UVRAG: variants seen among roughly 807,000 people sequenced by gnomAD.
UVRAG encodes UV radiation resistance associated, also known as UV radiation resistance-associated gene protein.
A neutral mutation model predicts 78.0 loss-of-function variants in UVRAG; 19 were observed. The observed-to-expected ratio is 0.24, with a 90% CI of 0.17 to 0.36. UVRAG has a LOEUF of 0.36. Ranked by LOEUF, UVRAG falls within the 10% of genes least tolerant of loss-of-function variation. The pLI is 1.00. For missense variants in UVRAG, 740 were observed against 853.8 expected, an observed-to-expected ratio of 0.87 and a Z score of 1.66; for synonymous variants, 323 against 324.6, an observed-to-expected ratio of 1.00 and a Z score of 0.05.
At chr11:76,065,521 G>T (rs1591194947) in intron 12 of UVRAG, among the ~76,000 whole-genome samples, 189 bp from the exon 13 acceptor site, 1 of 152,172 alleles carries the variant, frequency 6.6e-6, no homozygotes, top group Admixed American at 6.5e-5. Context: ...TCTTTTGAAA[G>T]AAAGCAGCCG....
chr11:76,079,266 T>G (rs999621719), intron 13 of UVRAG, among the ~76,000 whole-genome samples: 2 of 152,146 alleles, frequency 1.3e-5, no homozygotes, highest in Non-Finnish European at 2.9e-5. Context: ...GGAGGATCAC[T>G]TGAGCTCAGG....
intron 3 of UVRAG, among the ~76,000 whole-genome samples, chr11:75,871,035 A>AT (rs1946636493): frequency 6.6e-6 from 1 of 151,648 alleles, no homozygotes; most frequent in Non-Finnish European, 1.5e-5. Context: ...ATGCCTGGCT[A>AT]TTTTTTTATA....
At chr11:75,821,050 A>C (rs548800365) in intron 1 of UVRAG, among the ~76,000 whole-genome samples, 2 of 152,360 alleles carry the variant, frequency 1.3e-5, no homozygotes, top group South Asian at 4.1e-4. Flanking sequence ...CAGAATGTTT[A>C]CATCATCCCA....
At chr11:76,028,778 G>A (rs1950379170) in intron 12 of UVRAG, among the ~76,000 whole-genome samples, 1 of 152,166 alleles carries the variant, frequency 6.6e-6, no homozygotes. Flanking sequence ...TTTAAGGAAA[G>A]AAGCCATCCC....
chr11:75,872,075 T>C (rs1946664485), intron 3 of UVRAG, among the ~76,000 whole-genome samples: 1 of 152,352 alleles, frequency 6.6e-6, no homozygotes, highest in South Asian at 2.1e-4. Flanking sequence ...GTTAACAAGC[T>C]CTTTTTCATC....
In UVRAG at chr11:75,892,444, C is replaced by T. The variant is rs551898750; in HGVS notation, c.507+3541C>T. ...AATAGCTAGTATTTAGTGAGCACTT[C>T]TATGCTGGCACTATTCTAAACACTT... On this transcript the variant is annotated intron_variant, in intron 5 of 14. Coordinates refer to ENST00000356136, the MANE Select transcript of UVRAG (RefSeq NM_003369.4). 5 of 951,010 alleles carry T rather than the reference C, an allele frequency of 5.3e-6. No homozygotes were observed. The African/African-American group carries it at 7.1e-5, about 13-fold the overall frequency. The allele number at this position is 951,010 out of a possible 1,614,324, so 58.9% of individuals were successfully genotyped here.
chr11:75,935,473 TTCTCTC>T (rs138539219), intron 6 of UVRAG, among the ~76,000 whole-genome samples: 3 of 149,574 alleles, frequency 2.0e-5, no homozygotes, highest in Admixed American at 2.0e-4. Flanking sequence ...CTGTCTCTCT[TTCTCTC>T]TCTCTCTCTC....
rs950824651 is a variant in UVRAG at position 76,144,193 on chromosome 11, T to A, written c.*2780T>A. Among the ~76,000 whole-genome samples the A allele has an allele frequency of 2.0e-5, 3 of 152,242 alleles. No individual in the cohort carries two copies. Among genetic ancestry groups the A allele is most frequent in the Non-Finnish European group, 2.9e-5 (2 of 68,046 alleles). ...GATCTGTTGGTAACTGGAAGAAAAC[T>A]CAGCATCTGTATTTATACAATAAAA... On this transcript the variant is annotated 3_prime_UTR_variant, in exon 15 of 15. Coordinates refer to ENST00000356136, the MANE Select transcript of UVRAG (RefSeq NM_003369.4).
At chr11:75,815,606 C>T (rs969309852) in intron 1 of UVRAG, 82 bp downstream of exon 1, 2 of 876,586 alleles carry the variant, frequency 2.3e-6, no homozygotes, top group East Asian at 6.7e-5. Context: ...GCTGACCCCG[C>T]GAGCCGGGAC....
At chr11:75,916,515 A>G (rs1169382895) in intron 6 of UVRAG, 3 of 152,192 alleles carry the variant, frequency 2.0e-5, no homozygotes, top group Non-Finnish European at 1.5e-5. Flanking sequence ...ACTTTTCAGC[A>G]TATTTTCCCT....
intron 12 of UVRAG, among the ~76,000 whole-genome samples, chr11:76,020,401 A>C (rs564466803): frequency 6.6e-6 from 1 of 152,160 alleles, no homozygotes; most frequent in Admixed American, 6.5e-5. Context: ...CTGTCTAGCT[A>C]TTACTCCTGG....
chr11:75,996,537 C>T (rs531219821), intron 8 of UVRAG, among the ~76,000 whole-genome samples: 9 of 152,202 alleles, frequency 5.9e-5, no homozygotes, highest in Non-Finnish European at 1.3e-4. Context: ...CACACTGAGC[C>T]TAGAAGAATA....
intron 6 of UVRAG, among the ~76,000 whole-genome samples, chr11:75,936,153 A>T (rs1948369722): frequency 1.3e-5 from 2 of 152,234 alleles, no homozygotes; most frequent in African/African-American, 4.8e-5. Context: ...ATCCTGTCAG[A>T]GGGGACACAT....
At chr11:76,117,184 T>C (rs1952197954) in intron 14 of UVRAG, among the ~76,000 whole-genome samples, 1 of 152,262 alleles carries the variant, frequency 6.6e-6, no homozygotes, top group Admixed American at 6.5e-5. Context: ...CCAAGAGATT[T>C]GTGGTCCAGT....
chr11:76,139,856 T>A (rs1952674015), intron 14 of UVRAG, among the ~76,000 whole-genome samples: 1 of 152,098 alleles, frequency 6.6e-6, no homozygotes, highest in Admixed American at 6.5e-5. Context: ...GAACAATGAT[T>A]GTTATTGCTG....
chr11:76,084,650 G>A (rs1425574585), intron 13 of UVRAG, among the ~76,000 whole-genome samples: 6 of 151,874 alleles, frequency 4.0e-5, no homozygotes, highest in Middle Eastern at 3.2e-3. Flanking sequence ...TTTTGTGGAC[G>A]TTTTGGATAT....
chr11:76,003,949 T>A, intron 8 of UVRAG, 56 bp from the exon 9 acceptor site: 1 of 1,530,210 alleles, frequency 6.5e-7, no homozygotes, highest in Non-Finnish European at 9.0e-7. Flanking sequence ...CCTCTTTGGT[T>A]GTGATTGAGT....
chr11:75,966,904 G>A (rs989443580), intron 7 of UVRAG, among the ~76,000 whole-genome samples: 1 of 152,124 alleles, frequency 6.6e-6, no homozygotes, highest in East Asian at 1.9e-4. Flanking sequence ...CAGAGACTTA[G>A]GTTGAATTTA....
chr11:76,065,498 C>G (rs1951168722), intron 12 of UVRAG, among the ~76,000 whole-genome samples: 1 of 152,114 alleles, frequency 6.6e-6, no homozygotes. Context: ...TGTTCTGTGA[C>G]CTGTTCACTT....
Sources: allele counts gnomAD v4.1 joint callset (sites outside exome capture counted in the v4.1 genomes callset), GRCh38; gene constraint gnomAD v4.1.1; transcripts MANE v1.5; gene names NCBI Gene and HGNC (gene_info 2026-07-23, HGNC 2026-07-21).